The following TNC variants were observed in gnomAD, a reference collection of about 807,000 sequenced individuals.
TNC encodes the protein tenascin.
Under a neutral mutation model 202.4 loss-of-function variants are expected in TNC, and 109 were observed. The observed-to-expected ratio is 0.54, with a 90% confidence interval of 0.46 to 0.63. The LOEUF is 0.63. TNC is among the 30% of genes least tolerant of loss of function. TNC has a pLI of 0.00. For synonymous variants in TNC, 1,007 were observed against 1,089.7 expected, an observed-to-expected ratio of 0.92 and a Z score of 1.50; for missense variants, 2,756 against 2,833.3, an observed-to-expected ratio of 0.97 and a Z score of 0.62.
intron 1 of TNC, among the ~76,000 whole-genome samples, chr9:115,116,632 G>A (rs7029844): frequency 0.32 from 47,988 of 152,006 alleles, 7,838 homozygotes; most frequent in African/African-American, 0.39. Context: ...CCCTCCCTCC[G>A]GACAGAAAGC....
chr9:115,052,724 A>G, intron 15 of TNC: 1 of 695,470 alleles, frequency 1.4e-6, no homozygotes, highest in Non-Finnish European at 2.6e-6. Context: ...ACAAGTGAGA[A>G]CCTCTGATTG....
chr9:115,032,990 A>C (rs1830060613), intron 22 of TNC, among the ~76,000 whole-genome samples: 1 of 152,212 alleles, frequency 6.6e-6, no homozygotes, highest in Non-Finnish European at 1.5e-5. Context: ...CAACCTGCAA[A>C]CAGCCAGCTT....
chr9:115,087,062 G>A lies in TNC; in HGVS notation c.669C>T (p.Ser223=), dbSNP rs766404514. 7.4e-6 allele frequency: 12 copies of A among 1,613,074 alleles called. No individual in the cohort carries two copies. Among genetic ancestry groups the A allele is most frequent in the East Asian group, 2.2e-5 (1 of 44,836 alleles). Residue 223 remains serine, a synonymous_variant, in exon 3 of 28, where the codon AGC becomes AGT. Coordinates refer to ENST00000350763, the MANE Select transcript of TNC (RefSeq NM_002160.4). ...CGCACTTGCCCTGGTCATTGCAGTC[G>A]CTGGGGCAAGCCAGCTGGCTGCAGT... ...GEDCSQLACP[S]DCNDQGKCVN...
intron 15 of TNC, among the ~76,000 whole-genome samples, chr9:115,050,469 C>T (rs967945980): frequency 2.0e-5 from 3 of 152,066 alleles, no homozygotes; most frequent in Non-Finnish European, 1.5e-5. Flanking sequence ...TCTCGTTCCT[C>T]CTTGTCTCAG....
intron 1 of TNC, among the ~76,000 whole-genome samples, chr9:115,094,746 A>G (rs1835485132): frequency 1.3e-5 from 2 of 151,986 alleles, no homozygotes; most frequent in South Asian, 4.2e-4. Context: ...GGTCAGGGTT[A>G]CCATGTAGAA....
intron 1 of TNC, among the ~76,000 whole-genome samples, chr9:115,104,319 T>A (rs1200807426): frequency 6.6e-6 from 1 of 152,198 alleles, no homozygotes; most frequent in Non-Finnish European, 1.5e-5. Flanking sequence ...GAAGAACCGA[T>A]TACAGACAGA....
rs1828996689 is a variant in TNC at position 115,020,632 on chromosome 9, A to G, written c.*525T>C. The G allele has an allele frequency of 2.8e-6, 1 of 352,838 alleles. No individual in the cohort carries two copies. Among genetic ancestry groups the G allele is most frequent in the Non-Finnish European group, 5.6e-6 (1 of 178,068 alleles). The allele number at this position is 352,838 out of a possible 1,614,324, so 21.9% of individuals were successfully genotyped here. On this transcript the variant is annotated 3_prime_UTR_variant, in exon 28 of 28. Transcript: ENST00000350763. ...ATCTCTTGAAAAATCCTTAGTTTTCATCATCATCATCATCATTATTATATT... is the reference window on the plus strand; with the variant it reads ...ATCTCTTGAAAAATCCTTAGTTTTCGTCATCATCATCATCATTATTATATT...
At position 115,077,947 on chromosome 9, in the gene TNC, T is replaced by C. The variant is rs981210522; in HGVS notation, c.2670A>G (p.Thr890=). 6.8e-6 allele frequency: 11 copies of C among 1,613,944 alleles called. No individual in the cohort carries two copies. The highest frequency in any genetic ancestry group is 9.3e-6 in the Non-Finnish European group (11 of 1,179,908). The change falls in exon 7 of 28, where the codon ACA becomes ACG. Residue 890 remains threonine (T), a synonymous_variant. Coordinates refer to ENST00000350763, the MANE Select transcript of TNC (RefSeq NM_002160.4). ...MSSNPAKETF[T]TGLDAPRNLR... ...TAACAGGGGGAGGCCTTTTACCTGT[T>C]GTGAAGGTCTCTTTGGCTGGGTTGC...
chr9:115,075,678 G>A (rs192069768), intron 9 of TNC, among the ~76,000 whole-genome samples: 102 of 152,142 alleles, frequency 6.7e-4, no homozygotes, highest in African/African-American at 2.1e-3. Flanking sequence ...CCAGCTACTC[G>A]GGAGGCTGAG....
In TNC at chr9:115,098,938, AT is replaced by A. The variant is rs35624621; in HGVS notation, c.-136-7785del. 9.6e-3 allele frequency among the ~76,000 whole-genome samples: 1,228 copies of A among 127,300 alleles called. 11 individuals are homozygous for A. The highest frequency in any genetic ancestry group is 0.025 in the African/African-American group (809 of 32,996). The allele number at this position is 127,300 out of a possible 152,430, so 83.5% of individuals were successfully genotyped here. ...AGCCAGGAAACAGCCTTAAGTGTGT[AT>A]TTTTTTTTTTTTTTTTTTCCTGAGG... On this transcript the variant is annotated intron_variant, in intron 1 of 27. Transcript: ENST00000350763.
At chr9:115,065,193 C>A (rs1456647847) in intron 10 of TNC, among the ~76,000 whole-genome samples, 2 of 151,972 alleles carry the variant, frequency 1.3e-5, no homozygotes, top group Non-Finnish European at 2.9e-5. Flanking sequence ...GTCAGGGGTT[C>A]GAGACCAGCC....
chr9:115,028,924 GAAAAAAAAAAAAAAAAA>G (rs57737243), intron 25 of TNC, among the ~76,000 whole-genome samples: 785 of 63,908 alleles, frequency 0.012, 2 homozygotes, highest in African/African-American at 0.048. Context: ...CATTATCTCT[GAAAAAAAAAAAAAAAAA>G]AAAAAAAAAA....
intron 6 of TNC, 65 bp from the exon 7 acceptor site, chr9:115,078,277 G>T: frequency 6.6e-7 from 1 of 1,522,814 alleles, no homozygotes; most frequent in Non-Finnish European, 8.9e-7. Context: ...TTAGCAGAGA[G>T]AGGACTTTGT....
In TNC at chr9:115,090,912, C is replaced by A; in HGVS notation, c.107G>T (p.Gly36Val). 6.2e-7 allele frequency: 1 copy of A among 1,614,152 alleles called. No homozygotes were observed. Among genetic ancestry groups the A allele is most frequent in the Admixed American group, 1.7e-5 (1 of 60,024 alleles). The change falls in exon 2 of 28, where the codon GGG becomes GTG. Residue 36 changes from glycine (G) to valine (V), a missense_variant. Gly to Val is a moderately radical substitution (Grantham distance 109). Coordinates refer to ENST00000350763, the MANE Select transcript of TNC (RefSeq NM_002160.4). ...CTCTTCTGGCAGGGTGGCGTTCACC[C>A]CACTCTGTCGCTTGTGCCGGATGAC... ...KKVIRHKRQS[G>V]VNATLPEENQ...
chr9:115,087,270 C>T lies in TNC; in HGVS notation c.461G>A (p.Arg154His), dbSNP rs778176481. The T allele has an allele frequency of 3.7e-6, 6 of 1,609,724 alleles. No homozygotes were observed. The highest frequency in any genetic ancestry group is 1.6e-4 in the Middle Eastern group (1 of 6,066). The part of the protein sequence containing the change: ...AGCCLQPATG[R>H]LDTRPFCSGR... ...GCTACAGAAGGGCCTGGTGTCCAAG[C>T]GGCCTGCAACAAAAGAAACAGAAGT... Residue 154 changes from arginine to histidine, a missense_variant, in exon 3 of 28, where the codon CGC becomes CAC. Arg to His is a conservative substitution (Grantham distance 29). Coordinates refer to ENST00000350763, the MANE Select transcript of TNC (RefSeq NM_002160.4).
At chr9:115,037,490 A>T (rs537962149) in intron 20 of TNC, among the ~76,000 whole-genome samples, 1 of 152,192 alleles carries the variant, frequency 6.6e-6, no homozygotes, top group African/African-American at 2.4e-5. Flanking sequence ...GATGGTTGCC[A>T]AACAAGAAAA....
intron 1 of TNC, among the ~76,000 whole-genome samples, chr9:115,091,783 A>T (rs1024950154): frequency 6.6e-6 from 1 of 152,220 alleles, no homozygotes; most frequent in African/African-American, 2.4e-5. Context: ...CTTACTAGTT[A>T]TATGACTGTC....
At chr9:115,031,719 G>A in intron 22 of TNC, 34 bp from the exon 23 acceptor site, 1 of 1,596,640 alleles carries the variant, frequency 6.3e-7, no homozygotes, top group Non-Finnish European at 8.5e-7. Context: ...ATGGCTTTTG[G>A]TCACAGAAAT....
At chr9:115,102,434 G>A (rs952626475) in intron 1 of TNC, among the ~76,000 whole-genome samples, 3 of 152,216 alleles carry the variant, frequency 2.0e-5, no homozygotes, top group Non-Finnish European at 2.9e-5. Flanking sequence ...ATCATTCAGC[G>A]AGGGTTCCAG....
Sources: allele counts gnomAD v4.1 joint callset (sites outside exome capture counted in the v4.1 genomes callset), GRCh38; gene constraint gnomAD v4.1.1; transcripts MANE v1.5; gene names NCBI Gene and HGNC (gene_info 2026-07-23, HGNC 2026-07-21).